GEMIN5: variants seen among roughly 807,000 people sequenced by gnomAD.
GEMIN5 encodes the protein gem-associated protein 5.
In GEMIN5, 124 loss-of-function variants were observed where a neutral mutation model predicts 176.9. The observed-to-expected ratio is 0.70, with a 90% CI of 0.61 to 0.81. The LOEUF is 0.81. GEMIN5 is among the 40% of genes least tolerant of loss of function. The probability of loss-of-function intolerance (pLI) is 0.00; values close to 1 mark genes in which losing one functional copy is unlikely to be tolerated. For synonymous variants in GEMIN5, 673 were observed against 665.2 expected, an observed-to-expected ratio of 1.01 and a Z score of -0.18; for missense variants, 1,843 against 1,814.6, an observed-to-expected ratio of 1.02 and a Z score of -0.28.
intron 8 of GEMIN5, 84 bp from the exon 9 acceptor site, chr5:154,924,638 C>A: frequency 1.2e-6 from 1 of 812,294 alleles, no homozygotes; most frequent in Non-Finnish European, 2.1e-6. Context: ...TTTAAGCATC[C>A]AAAGGGAAAA....
chr5:154,937,975 C>CG lies in GEMIN5; in HGVS notation c.158dup (p.Phe54ValfsTer77). On this transcript the variant is annotated frameshift_variant, in exon 1 of 28. Coordinates refer to ENST00000285873, the MANE Select transcript of GEMIN5 (RefSeq NM_015465.5). LOFTEE classifies it high-confidence loss of function. ...CCAAGGGTGGTGAGTTACCTCGAAA[C>CG]GGGGGTGTCCCTGGACTCTCGCCTG... 1 of 1,573,020 alleles carries CG rather than the reference C, an allele frequency of 6.4e-7. No homozygotes were observed. Among genetic ancestry groups the CG allele is most frequent in the South Asian group, 1.1e-5 (1 of 87,658 alleles).
chr5:154,917,133 TAGTACAGATC>T lies in GEMIN5; in HGVS notation c.1710_1719del (p.Ile571SerfsTer8). 2 of 1,593,536 alleles carry T rather than the reference TAGTACAGATC, an allele frequency of 1.3e-6. No homozygotes were observed. ...TTCACAAGCTTGTGATGCTGTTGGA[TAGTACAGATC>T]AGTTTCAGGTTGGGAATCTGAAATA... On this transcript the variant is annotated frameshift_variant, in exon 13 of 28. Transcript: ENST00000285873. LOFTEE classifies it high-confidence loss of function.
At chr5:154,924,711 C>T (rs887000900) in intron 8 of GEMIN5, among the ~76,000 whole-genome samples, 157 bp from the exon 9 acceptor site, 38 of 152,154 alleles carry the variant, frequency 2.5e-4, no homozygotes, top group Non-Finnish European at 3.5e-4. Flanking sequence ...CAAAGTCGGC[C>T]GGGCGCAGTG....
intron 9 of GEMIN5, among the ~76,000 whole-genome samples, chr5:154,923,984 T>C (rs766360771): frequency 1.3e-5 from 2 of 152,232 alleles, no homozygotes; most frequent in African/African-American, 2.4e-5. Flanking sequence ...TAGCCATATT[T>C]TAAAAAAGCA....
chr5:154,931,703 GT>G, intron 4 of GEMIN5, 126 bp from the exon 5 acceptor site: 2 of 728,964 alleles, frequency 2.7e-6, no homozygotes. Context: ...AAAATTTGAA[GT>G]TTTAGGTATA....
intron 3 of GEMIN5, 97 bp from the exon 4 acceptor site, chr5:154,932,347 T>G (rs1167153328): frequency 2.4e-6 from 2 of 824,666 alleles, no homozygotes; most frequent in Non-Finnish European, 3.9e-6. Flanking sequence ...GCGCATTCCT[T>G]AAAGTTAGGT....
chr5:154,892,865 A>G (rs908095890), intron 24 of GEMIN5, among the ~76,000 whole-genome samples: 7 of 151,824 alleles, frequency 4.6e-5, no homozygotes, highest in Non-Finnish European at 8.8e-5. Context: ...TTGGGAGGCC[A>G]AGGTGGGCAG....
Position 154,927,396 on chromosome 5 carries a change from T to C in GEMIN5, c.1069A>G (p.Met357Val), listed in dbSNP as rs778314173. 1.3e-6 allele frequency: 2 copies of C among 1,565,372 alleles called. No individual in the cohort carries two copies. The highest frequency in any genetic ancestry group is 1.1e-5 in the South Asian group (1 of 89,900). ...DDKQLLLSTS[M>V]DRDVKCWDIA... ...ATAAGCATTCTTACATCTCTATCCA[T>C]TGATGTAGAAAGTAATAGCTGTTTG... The change falls in exon 7 of 28, where the codon ATG becomes GTG. Residue 357 changes from methionine (M) to valine (V), a missense_variant. Coordinates refer to ENST00000285873, the MANE Select transcript of GEMIN5 (RefSeq NM_015465.5).
rs1403567300 is a variant in GEMIN5, at chr5:154,938,190, C to T, written c.-57G>A. The T allele has an allele frequency of 6.2e-6, 8 of 1,280,292 alleles. No homozygotes were observed. Among genetic ancestry groups the T allele is most frequent in the African/African-American group, 4.6e-5 (3 of 65,232 alleles). The allele number at this position is 1,280,292 out of a possible 1,614,324, so 79.3% of individuals were successfully genotyped here. A position where few individuals can be genotyped will look rare whatever the true frequency, so the allele number is the denominator to read the frequency against. On this transcript the variant is annotated 5_prime_UTR_variant, in exon 1 of 28. It adds an upstream start codon to the 5' untranslated region. Coordinates refer to ENST00000285873, the MANE Select transcript of GEMIN5 (RefSeq NM_015465.5). ...CCACAGCCGACCGCTCGTAGCCTCA[C>T]GCCTTAGGTAGGGAGCGGGGCGGGG...
intron 3 of GEMIN5, among the ~76,000 whole-genome samples, chr5:154,934,978 G>A (rs781313279): frequency 1.6e-4 from 24 of 152,170 alleles, no homozygotes; most frequent in Non-Finnish European, 2.1e-4. Flanking sequence ...AAATCTACCT[G>A]CACCTATTTC....
At position 154,899,199 on chromosome 5, in the gene GEMIN5, A is replaced by G; in HGVS notation, c.3126T>C (p.Ala1042=). The G allele has an allele frequency of 4.3e-6, 7 of 1,610,596 alleles. No homozygotes were observed. The highest frequency in any genetic ancestry group is 5.9e-6 in the Non-Finnish European group (7 of 1,178,298). ...CCACTCCTCAGGCTTACCATTTGGCAGCTACAGCATAGTGGCCATCTCTTT... is the reference window on the plus strand; with the variant it reads ...CCACTCCTCAGGCTTACCATTTGGCGGCTACAGCATAGTGGCCATCTCTTT... ...VLERDGHYAV[A]AKCYLGATCA... The change falls in exon 22 of 28, where the codon GCT becomes GCC. Residue 1042 remains alanine (A), a synonymous_variant. Coordinates refer to ENST00000285873, the MANE Select transcript of GEMIN5 (RefSeq NM_015465.5).
intron 15 of GEMIN5, among the ~76,000 whole-genome samples, chr5:154,910,671 T>C (rs1333108171): frequency 1.3e-5 from 2 of 152,190 alleles, no homozygotes; most frequent in African/African-American, 4.8e-5. Flanking sequence ...TAATCTTTCT[T>C]AGCCAGGAAT....
chr5:154,908,257 C>A (rs781124106), intron 15 of GEMIN5, among the ~76,000 whole-genome samples: 13 of 147,700 alleles, frequency 8.8e-5, no homozygotes, highest in Non-Finnish European at 1.6e-4. Flanking sequence ...CTCAGCTCAC[C>A]GCAACTTCTG....
intron 13 of GEMIN5, among the ~76,000 whole-genome samples, chr5:154,915,048 T>A (rs1370915558): frequency 6.6e-6 from 1 of 152,218 alleles, no homozygotes; most frequent in Non-Finnish European, 1.5e-5. Flanking sequence ...TATTATTTAG[T>A]AGATATGATA....
intron 23 of GEMIN5, 100 bp downstream of exon 23, chr5:154,898,340 T>C (rs1164875329): frequency 2.9e-6 from 3 of 1,047,028 alleles, no homozygotes; most frequent in Admixed American, 3.6e-5. Context: ...CCTGCCAAAT[T>C]GGCACAGCTT....
In GEMIN5 at chr5:154,920,093, T is replaced by C; in HGVS notation, c.1473A>G (p.Gly491=). ...PVPPMSLGGE[G]DRPSLALYSC... ...TGTATAAAGCAAGGGAAGGTCTGTC[T>C]CCTTCTCCTCCTGTATGAAATAAGA... Residue 491 remains glycine (G), a synonymous_variant, in exon 11 of 28, where the codon GGA becomes GGG. Coordinates refer to ENST00000285873, the MANE Select transcript of GEMIN5 (RefSeq NM_015465.5). 1.2e-6 allele frequency: 2 copies of C among 1,608,306 alleles called. No homozygotes were observed. The highest frequency in any genetic ancestry group is 1.7e-6 in the Non-Finnish European group (2 of 1,177,944).
chr5:154,920,482 T>C (rs1386624864), intron 10 of GEMIN5, among the ~76,000 whole-genome samples: 6 of 152,204 alleles, frequency 3.9e-5, no homozygotes. Flanking sequence ...CATAGCACAG[T>C]AGGACTTTCT....
chr5:154,913,260 G>A (rs1398149570), intron 13 of GEMIN5, among the ~76,000 whole-genome samples: 3 of 151,984 alleles, frequency 2.0e-5, no homozygotes, highest in African/African-American at 7.3e-5. Flanking sequence ...CCGCCTCCTG[G>A]GTTCAAGCGA....
At position 154,891,607 on chromosome 5, in the gene GEMIN5, G is replaced by A; in HGVS notation, c.3896C>T (p.Ser1299Phe). Residue 1299 changes from serine (S) to phenylalanine (F), a missense_variant, in exon 26 of 28, where the codon TCC (serine) becomes TTC (phenylalanine). Physicochemically the swap from Ser to Phe is radical, Grantham distance 155 (BLOSUM62 -2). Coordinates refer to ENST00000285873, the MANE Select transcript of GEMIN5 (RefSeq NM_015465.5). ...GTGACCAGCCCTTACCCAGACACTG[G>A]AATTTGGGCAAGGTCTGGAGAGAGA... ...WWSLSRPCPN[S>F]SVWVRAGHRT... 1.9e-6 allele frequency: 3 copies of A among 1,614,148 alleles called. No individual in the cohort carries two copies. The South Asian group carries it at 3.3e-5, about 18-fold the overall frequency.
Sources: allele counts gnomAD v4.1 joint callset (sites outside exome capture counted in the v4.1 genomes callset), GRCh38; gene constraint gnomAD v4.1.1; transcripts MANE v1.5; gene names NCBI Gene and HGNC (gene_info 2026-07-23, HGNC 2026-07-21).